Variants in AKAP17A observed in about 807,000 individuals in gnomAD.
AKAP17A encodes the protein A-kinase anchoring protein 17A.
A neutral mutation model predicts 52.2 loss-of-function variants in AKAP17A; 15 were observed. The observed-to-expected ratio is 0.29, with a 90% CI of 0.19 to 0.44. The LOEUF is 0.44. Ranked by LOEUF, AKAP17A falls within the 20% of genes least tolerant of loss-of-function variation. The probability of loss-of-function intolerance (pLI) is 1.00; values close to 1 mark genes in which losing one functional copy is unlikely to be tolerated. For missense variants in AKAP17A, 1,060 were observed against 1,007.0 expected, an observed-to-expected ratio of 1.05 and a Z score of -0.71; for synonymous variants, 514 against 424.7, an observed-to-expected ratio of 1.21 and a Z score of -2.58.
rs1352031689 is a variant in AKAP17A, at chrX:1,591,639, T to A, written c.-150T>A. Reference sequence around the variant, plus strand: ...GCGGGCGGCGACGGCGGTGGCGGCGTCGGAGGCGCCTCCGGGGGACGGTGG... The same window carrying A: ...GCGGGCGGCGACGGCGGTGGCGGCGACGGAGGCGCCTCCGGGGGACGGTGG... On this transcript the variant is annotated 5_prime_UTR_variant, in exon 1 of 5. Transcript: ENST00000313871. The A allele has an allele frequency of 2.0e-5, 3 of 151,558 alleles. No individual in the cohort carries two copies. The East Asian group carries it at 5.9e-4, about 30-fold the overall frequency. The allele number at this position is 151,558 out of a possible 1,614,324, so 9.4% of individuals were successfully genotyped here. A position where few individuals can be genotyped will look rare whatever the true frequency, so the allele number is the denominator to read the frequency against.
At chrX:1,595,814 T>G (rs1219743268) in intron 3 of AKAP17A, among the ~76,000 whole-genome samples, 1 of 151,948 alleles carries the variant, frequency 6.6e-6, no homozygotes, top group Non-Finnish European at 1.5e-5. Context: ...CCTGTGTGTG[T>G]ATGTGCACGT....
chrX:1,600,511 C>A, intron 4 of AKAP17A, 148 bp from the exon 5 acceptor site: 1 of 833,998 alleles, frequency 1.2e-6, no homozygotes, highest in Non-Finnish European at 1.8e-6. Context: ...CCGTAGGAGA[C>A]GCCCCCCACC....
intron 4 of AKAP17A, chrX:1,600,403 C>A: frequency 1.6e-6 from 1 of 625,838 alleles, no homozygotes; most frequent in Non-Finnish European, 2.7e-6. Context: ...GGGGCTGCGC[C>A]GAGCCGCTTT....
At chrX:1,599,550 A>G (rs1174448461) in intron 4 of AKAP17A, 118 bp downstream of exon 4, 48 of 1,409,506 alleles carry the variant, frequency 3.4e-5, no homozygotes, top group Non-Finnish European at 4.6e-5. Flanking sequence ...TGTAGCTACG[A>G]AACCAGCTTT....
In AKAP17A at chrX:1,595,423, A is replaced by G. The variant is rs778431710; in HGVS notation, c.802A>G (p.Ile268Val). Residue 268 changes from isoleucine to valine, a missense_variant, in exon 3 of 5, where the codon ATT becomes GTT. Physicochemically the swap from Ile to Val is conservative, Grantham distance 29. Around this residue, in one of 2 missense-constraint regions of AKAP17A, gnomAD observed 793 missense variants for 629.9 expected, o/e 1.26. Coordinates refer to ENST00000313871, the MANE Select transcript of AKAP17A (RefSeq NM_005088.3). ...GACCAAACACCTGAGTGATGCCTCAATTAAGAAGCGGCAGCTGGAGAGGCA... is the reference window on the plus strand; with the variant it reads ...GACCAAACACCTGAGTGATGCCTCAGTTAAGAAGCGGCAGCTGGAGAGGCA... ...DSTKHLSDAS[I>V]KKRQLERQKL... is the part of the protein sequence containing the mutation. The G allele has an allele frequency of 3.7e-6, 6 of 1,613,924 alleles. No homozygotes were observed. The highest frequency in any genetic ancestry group is 2.7e-5 in the African/African-American group (2 of 74,942).
chrX:1,595,398 G>A lies in AKAP17A; in HGVS notation c.777G>A (p.Ser259=), dbSNP rs756523385. The change falls in exon 3 of 5, where the codon TCG becomes TCA. Residue 259 remains serine, a synonymous_variant. Transcript: ENST00000313871. ...VACNIKVSFD[S]TKHLSDASIK... ...TGCTTTTAAAGGTTTCTTTTGATTCGACCAAACACCTGAGTGATGCCTCAA... is the reference window on the plus strand; with the variant it reads ...TGCTTTTAAAGGTTTCTTTTGATTCAACCAAACACCTGAGTGATGCCTCAA... 1.4e-5 allele frequency: 22 copies of A among 1,613,798 alleles called. No homozygotes were observed. The highest frequency in any genetic ancestry group is 4.5e-5 in the East Asian group (2 of 44,896).
intron 4 of AKAP17A, 182 bp downstream of exon 4, chrX:1,599,614 C>T (rs1159203382): frequency 1.3e-5 from 12 of 890,564 alleles, no homozygotes; most frequent in Admixed American, 4.3e-5. Flanking sequence ...GTCTGTCGTT[C>T]CCGATGATTT....
rs776793992 is a variant in AKAP17A, at chrX:1,593,603, C to T, written c.141C>T (p.Ser47=). 1 of 1,613,890 alleles carries T rather than the reference C, an allele frequency of 6.2e-7. No individual in the cohort carries two copies. The highest frequency in any genetic ancestry group is 8.5e-7 in the Non-Finnish European group (1 of 1,179,872). Residue 47 remains serine (S), a synonymous_variant, in exon 2 of 5, where the codon TCC becomes TCT. Transcript: ENST00000313871. The part of the protein sequence containing the change: ...PQLKQPGKSI[S]NWEVMERLKG... The stretch of plus-strand genomic sequence containing the variant: ...TGAAGCAGCCGGGGAAGTCCATCTC[C>T]AACTGGGAGGTGATGGAGAGGCTGA...
At chrX:1,598,931 G>C (rs1933183697) in intron 3 of AKAP17A, among the ~76,000 whole-genome samples, 1 of 152,196 alleles carries the variant, frequency 6.6e-6, no homozygotes, top group Non-Finnish European at 1.5e-5. Context: ...GGTCGGTCCA[G>C]TGGTCGTTTT....
At position 1,599,561 on chromosome X, in the gene AKAP17A, A is replaced by G. The variant is rs1449145519; in HGVS notation, c.1152+129A>G. 10 of 1,295,510 alleles carry G rather than the reference A, an allele frequency of 7.7e-6. No individual in the cohort carries two copies. The Admixed American group carries it at 2.0e-4, about 26-fold the overall frequency. The allele number at this position is 1,295,510 out of a possible 1,614,324, so 80.3% of individuals were successfully genotyped here. The stretch of plus-strand genomic sequence containing the variant: ...CAGCTGTAGCTACGAAACCAGCTTT[A>G]ATGCCGAGGATGACGGCTCCTTCCC... On this transcript the variant is annotated intron_variant, in intron 4 of 4. Coordinates refer to ENST00000313871, the MANE Select transcript of AKAP17A (RefSeq NM_005088.3).
chrX:1,597,570 C>T (rs1299334708), intron 3 of AKAP17A, among the ~76,000 whole-genome samples: 4 of 151,860 alleles, frequency 2.6e-5, no homozygotes, highest in African/African-American at 9.7e-5. Flanking sequence ...GGGACTCTTC[C>T]AGGCTGCAGA....
At chrX:1,592,141 G>T (rs1286809696) in intron 1 of AKAP17A, among the ~76,000 whole-genome samples, 5 of 151,722 alleles carry the variant, frequency 3.3e-5, no homozygotes, top group Admixed American at 2.6e-4. Context: ...CGCTGCGGTC[G>T]CTCCTAGGTC....
chrX:1,601,367 C>G lies in AKAP17A; in HGVS notation c.1861C>G (p.Arg621Gly), dbSNP rs758634437. 1.3e-6 allele frequency: 2 copies of G among 1,577,546 alleles called. No individual in the cohort carries two copies. The highest frequency in any genetic ancestry group is 4.5e-5 in the East Asian group (2 of 44,286). The stretch of plus-strand genomic sequence containing the variant: ...GGAGGACGGGAGGCCACGCAAGGAG[C>G]GGCGGCCCCACAAGAAGCACGCCTA... ...SREDGRPRKE[R>G]RPHKKHAYKD... is the part of the protein sequence containing the mutation. Residue 621 changes from arginine to glycine, a missense_variant, in exon 5 of 5, where the codon CGG (arginine) becomes GGG (glycine). Arg to Gly is a moderately radical substitution (Grantham distance 125). Transcript: ENST00000313871.
At chrX:1,597,225 G>A (rs113151565) in intron 3 of AKAP17A, among the ~76,000 whole-genome samples, 9,601 of 152,244 alleles carry the variant, frequency 0.063, 371 homozygotes, top group East Asian at 0.13. Flanking sequence ...TGTTCTTTAC[G>A]TAGCCCCCGT....
At position 1,599,284 on chromosome X, in the gene AKAP17A, G is replaced by T. The variant is rs752789049; in HGVS notation, c.1004G>T (p.Arg335Leu). Residue 335 changes from arginine (R) to leucine (L), a missense_variant, in exon 4 of 5, where the codon CGC becomes CTC. Coordinates refer to ENST00000313871, the MANE Select transcript of AKAP17A (RefSeq NM_005088.3). ...REQKQRDREL[R>L]RNQKKLEKLQ... Reference sequence around the variant, plus strand: ...CAGAAGCAGAGGGACCGTGAGCTGCGCCGGAATCAGAAGAAGCTGGAGAAG... The same window carrying T: ...CAGAAGCAGAGGGACCGTGAGCTGCTCCGGAATCAGAAGAAGCTGGAGAAG... 1.9e-6 allele frequency: 3 copies of T among 1,611,696 alleles called. No individual in the cohort carries two copies. Among genetic ancestry groups the T allele is most frequent in the Non-Finnish European group, 8.5e-7 (1 of 1,179,430 alleles).
rs758053452 is a variant in AKAP17A at position 1,600,752 on chromosome X, C to T, written c.1246C>T (p.Arg416Cys). 1.3e-6 allele frequency: 2 copies of T among 1,555,458 alleles called. No homozygotes were observed. Among genetic ancestry groups the T allele is most frequent in the Non-Finnish European group, 1.7e-6 (2 of 1,154,422 alleles). The part of the protein sequence containing the change: ...RRRLQEAELR[R>C]VEEEKERALG... ...GCGGCTGCAGGAGGCCGAGCTGCGG[C>T]GCGTGGAGGAGGAGAAGGAGCGCGC... The change falls in exon 5 of 5, where the codon CGC becomes TGC. Residue 416 changes from arginine (R) to cysteine (C), a missense_variant. Physicochemically the swap from Arg to Cys is radical, Grantham distance 180. Coordinates refer to ENST00000313871, the MANE Select transcript of AKAP17A (RefSeq NM_005088.3).
chrX:1,593,251 T>C (rs1932869919), intron 1 of AKAP17A, among the ~76,000 whole-genome samples, 193 bp from the exon 2 acceptor site: 1 of 152,194 alleles, frequency 6.6e-6, no homozygotes, highest in South Asian at 2.1e-4. Flanking sequence ...TTTGGTGTAC[T>C]CTTAATGATT....
chrX:1,601,273 G>A lies in AKAP17A; in HGVS notation c.1767G>A (p.Arg589=). ...GGGAGCCCAGCAAGGGCCGGGGCCG[G>A]GCCACCGGAGACGGGCTTGCTGACC... ...CNREPSKGRG[R]ATGDGLADRH... Residue 589 remains arginine, a synonymous_variant, in exon 5 of 5, where the codon CGG becomes CGA. Coordinates refer to ENST00000313871, the MANE Select transcript of AKAP17A (RefSeq NM_005088.3). The A allele has an allele frequency of 6.2e-7, 1 of 1,612,666 alleles. No individual in the cohort carries two copies. The highest frequency in any genetic ancestry group is 1.1e-5 in the South Asian group (1 of 91,050).
Position 1,594,066 on chromosome X carries a change from C to G in AKAP17A, c.604C>G (p.Arg202Gly). ...LDPYREEMTGRNFHTFSFGGH... is the reference protein window; with the variant it reads ...LDPYREEMTGGNFHTFSFGGH... ...CCCCTACCGGGAGGAGATGACGGGCCGCAACTTCCACACCTTCAGTTTCGG... is the reference window on the plus strand; with the variant it reads ...CCCCTACCGGGAGGAGATGACGGGCGGCAACTTCCACACCTTCAGTTTCGG... The change falls in exon 2 of 5, where the codon CGC becomes GGC. Residue 202 changes from arginine to glycine, a missense_variant. Arg to Gly is a moderately radical substitution (Grantham distance 125). Around this residue, in one of 2 missense-constraint regions of AKAP17A, gnomAD observed 267 missense variants for 377.1 expected, o/e 0.71. Coordinates refer to ENST00000313871, the MANE Select transcript of AKAP17A (RefSeq NM_005088.3). 6.2e-7 allele frequency: 1 copy of G among 1,613,392 alleles called. No homozygotes were observed. Among genetic ancestry groups the G allele is most frequent in the Non-Finnish European group, 8.5e-7 (1 of 1,179,622 alleles).
Sources: allele counts gnomAD v4.1 joint callset (sites outside exome capture counted in the v4.1 genomes callset), GRCh38; gene constraint gnomAD v4.1.1; regional missense constraint gnomAD v4.1.1; transcripts MANE v1.5; gene names NCBI Gene and HGNC (gene_info 2026-07-23, HGNC 2026-07-21).